The following GRM8 variants were observed in gnomAD, a reference collection of about 807,000 sequenced individuals.
GRM8 encodes metabotropic glutamate receptor 8.
A neutral mutation model predicts 87.2 loss-of-function variants in GRM8; 47 were observed. The observed-to-expected ratio is 0.54, with a 90% CI of 0.43 to 0.69. The LOEUF is 0.69. Among genes scored for constraint, GRM8 ranks in the 30% least tolerant of loss-of-function variants. The pLI, the probability that GRM8 is intolerant of heterozygous loss-of-function variation, is 0.00. For missense variants in GRM8, 1,019 were observed against 1,139.2 expected (o/e 0.89, Z 1.52); for synonymous variants, 396 against 404.5 (o/e 0.98, Z 0.25).
chr7:126,803,857 G>A (rs1324000780), intron 6 of GRM8, among the ~76,000 whole-genome samples: 1 of 152,204 alleles, frequency 6.6e-6, no homozygotes, highest in Non-Finnish European at 1.5e-5. Context: ...TGCCTCATAG[G>A]ATTAAATGAG....
chr7:127,158,270 G>A (rs189176954), intron 2 of GRM8, among the ~76,000 whole-genome samples: 70 of 152,214 alleles, frequency 4.6e-4, no homozygotes, highest in Non-Finnish European at 6.3e-4. Flanking sequence ...AGAGGACATG[G>A]AATAGCTCTC....
chr7:127,163,887 T>C (rs1251857488), intron 2 of GRM8, among the ~76,000 whole-genome samples: 1 of 152,152 alleles, frequency 6.6e-6, no homozygotes, highest in African/African-American at 2.4e-5. Context: ...CATAGGGACC[T>C]GGACTGACAC....
chr7:126,778,052 T>C lies in GRM8; in HGVS notation c.1157-7987A>G, dbSNP rs140844665. ...GAATTTCACACCCAAGGTTCTGCTT[T>C]GTGGATTCTTCAGCTGGCTCTGTCA... On this transcript the variant is annotated intron_variant, in intron 6 of 10. Transcript: ENST00000339582. Among the ~76,000 whole-genome samples, 1,127 of 152,300 alleles carry C rather than the reference T, an allele frequency of 7.4e-3. 17 individuals carry two copies. The highest frequency in any genetic ancestry group is 0.025 in the African/African-American group (1,047 of 41,574).
chr7:126,444,812 T>C (rs1801830650), intron 10 of GRM8, among the ~76,000 whole-genome samples: 1 of 151,990 alleles, frequency 6.6e-6, no homozygotes, highest in Non-Finnish European at 1.5e-5. Flanking sequence ...GACTGCTGGA[T>C]GAATATGAGA....
At chr7:127,172,774 T>C (rs1024936193) in intron 2 of GRM8, among the ~76,000 whole-genome samples, 1 of 152,112 alleles carries the variant, frequency 6.6e-6, no homozygotes. Flanking sequence ...TTATATATTA[T>C]TCATATAAAA....
At chr7:126,581,135 G>T (rs1287891617) in intron 8 of GRM8, among the ~76,000 whole-genome samples, 1 of 151,850 alleles carries the variant, frequency 6.6e-6, no homozygotes, top group African/African-American at 2.4e-5. Flanking sequence ...AGTTATTTCA[G>T]CCTTAGGTTT....
intron 7 of GRM8, among the ~76,000 whole-genome samples, chr7:126,715,867 G>A (rs1382694326): frequency 6.6e-6 from 1 of 151,980 alleles, no homozygotes; most frequent in Non-Finnish European, 1.5e-5. Context: ...TGGCTTTTCT[G>A]TCCCATTTCC....
At chr7:126,511,408 C>A (rs1036205517) in intron 9 of GRM8, 1 of 152,098 alleles carries the variant, frequency 6.6e-6, no homozygotes. Context: ...AGAATAAAAA[C>A]ATCCTCAACA....
intron 7 of GRM8, among the ~76,000 whole-genome samples, chr7:126,690,066 T>A (rs1808635826): frequency 6.6e-6 from 1 of 152,236 alleles, no homozygotes; most frequent in South Asian, 2.1e-4. Flanking sequence ...ACTTCTTGTG[T>A]TGGAGCTGGG....
At chr7:127,072,269 T>A (rs887756844) in intron 3 of GRM8, among the ~76,000 whole-genome samples, 5 of 152,318 alleles carry the variant, frequency 3.3e-5, no homozygotes, top group African/African-American at 1.2e-4. Flanking sequence ...AAGCTCTCCC[T>A]ATCTGCACAA....
intron 9 of GRM8, among the ~76,000 whole-genome samples, chr7:126,484,137 A>C (rs1447209434): frequency 6.6e-6 from 1 of 152,042 alleles, no homozygotes; most frequent in East Asian, 1.9e-4. Flanking sequence ...ATATTAAATG[A>C]AGTGCACTTG....
At chr7:126,509,594 T>A (rs1204365250) in intron 9 of GRM8, among the ~76,000 whole-genome samples, 1 of 152,186 alleles carries the variant, frequency 6.6e-6, no homozygotes, top group East Asian at 1.9e-4. Flanking sequence ...AGGTATCTGA[T>A]TCAATGCCCC....
At chr7:126,565,056 C>T (rs1486000570) in intron 8 of GRM8, among the ~76,000 whole-genome samples, 3 of 152,002 alleles carry the variant, frequency 2.0e-5, no homozygotes, top group Admixed American at 6.6e-5. Context: ...AGGAAAATAC[C>T]TCAACATAAT....
intron 3 of GRM8, among the ~76,000 whole-genome samples, chr7:126,921,573 A>G (rs1394929581): frequency 2.6e-5 from 4 of 152,198 alleles, no homozygotes; most frequent in Admixed American, 2.6e-4. Context: ...AACACTCGTG[A>G]GTAAAAACCA....
intron 9 of GRM8, among the ~76,000 whole-genome samples, chr7:126,480,716 G>A (rs1037630432): frequency 4.6e-5 from 7 of 152,034 alleles, no homozygotes; most frequent in Non-Finnish European, 4.4e-5. Context: ...TTATGTGTAC[G>A]TGTGTATATA....
chr7:126,796,164 C>T (rs1261233803), intron 6 of GRM8, among the ~76,000 whole-genome samples: 1 of 151,918 alleles, frequency 6.6e-6, no homozygotes, highest in Non-Finnish European at 1.5e-5. Flanking sequence ...GAAGAAAGAA[C>T]ACAAATTAAT....
intron 7 of GRM8, among the ~76,000 whole-genome samples, chr7:126,656,680 A>T (rs1804567568): frequency 6.6e-6 from 1 of 151,964 alleles, no homozygotes; most frequent in Non-Finnish European, 1.5e-5. Context: ...AAATAAAAAA[A>T]TAAAAAAACA....
chr7:126,704,582 A>G (rs1055847254), intron 7 of GRM8, among the ~76,000 whole-genome samples: 1 of 152,126 alleles, frequency 6.6e-6, no homozygotes, highest in African/African-American at 2.4e-5. Context: ...GAGAAATATC[A>G]CTGAATTCTT....
chr7:126,946,815 T>A (rs541858650), intron 3 of GRM8, among the ~76,000 whole-genome samples: 2 of 152,334 alleles, frequency 1.3e-5, no homozygotes, highest in African/African-American at 4.8e-5. Flanking sequence ...AATAGTTAAT[T>A]CATACATTCA....
Sources: allele counts gnomAD v4.1 joint callset (sites outside exome capture counted in the v4.1 genomes callset), GRCh38; gene constraint gnomAD v4.1.1; transcripts MANE v1.5; gene names NCBI Gene and HGNC (gene_info 2026-07-23, HGNC 2026-07-21).